The following SV2C variants were observed in gnomAD, a reference collection of about 807,000 sequenced individuals.
SV2C encodes the protein solute carrier family 22 member B3.
SV2C carries 49 observed loss-of-function variants against 79.7 expected under a neutral mutation model. The observed-to-expected ratio is 0.61, with a 90% CI of 0.49 to 0.78. SV2C has a LOEUF of 0.78. Among genes scored for constraint, SV2C ranks in the 30% least tolerant of loss-of-function variants. The probability of loss-of-function intolerance (pLI) is 0.00; values close to 1 mark genes in which losing one functional copy is unlikely to be tolerated. For synonymous variants in SV2C, 334 were observed against 333.2 expected, an observed-to-expected ratio of 1.00 and a Z score of -0.03; for missense variants, 833 against 912.9, an observed-to-expected ratio of 0.91 and a Z score of 1.13.
chr5:76,264,822 G>A (rs368407059), intron 4 of SV2C, among the ~76,000 whole-genome samples: 4 of 152,146 alleles, frequency 2.6e-5, no homozygotes, highest in South Asian at 2.1e-4. Context: ...CTTCCCCAAC[G>A]GGCACCAGCC....
chr5:76,342,925 T>C (rs1195024975), intron 12 of SV2C, among the ~76,000 whole-genome samples: 1 of 151,326 alleles, frequency 6.6e-6, no homozygotes, highest in Non-Finnish European at 1.5e-5. Flanking sequence ...GATCTTGCTA[T>C]GTTTCCCAGG....
chr5:75,904,867 ACT>A, the SV2C span, among the ~76,000 whole-genome samples: 17 of 152,232 alleles, frequency 1.1e-4, no homozygotes, highest in Non-Finnish European at 1.5e-5. Context: ...GAGAATTAAC[ACT>A]CTGTCAAATT....
chr5:76,014,821 C>T, the SV2C span, among the ~76,000 whole-genome samples: 228 of 152,262 alleles, frequency 1.5e-3, 6 homozygotes, highest in East Asian at 0.04. Context: ...TCAATGTCTA[C>T]GTTTACGACA....
chr5:76,163,236 G>A (rs757319125), intron 2 of SV2C, among the ~76,000 whole-genome samples: 5 of 151,470 alleles, frequency 3.3e-5, no homozygotes, highest in South Asian at 2.1e-4. Flanking sequence ...AATGAAAACC[G>A]AATTAGACCT....
At chr5:75,849,444 T>TA in the SV2C span, among the ~76,000 whole-genome samples, 2 of 152,166 alleles carry the variant, frequency 1.3e-5, no homozygotes, top group Non-Finnish European at 2.9e-5. Flanking sequence ...CCTTTATATT[T>TA]AAAAAAAGAC....
the SV2C span, among the ~76,000 whole-genome samples, chr5:76,075,001 C>G: frequency 6.6e-6 from 1 of 152,024 alleles, no homozygotes; most frequent in Non-Finnish European, 1.5e-5. Context: ...CAGCTGTGAG[C>G]AAAAGTCTCT....
At chr5:75,932,293 C>T in the SV2C span, among the ~76,000 whole-genome samples, 1 of 152,200 alleles carries the variant, frequency 6.6e-6, no homozygotes, top group Admixed American at 6.5e-5. Context: ...AGCTGCAGAG[C>T]TTCACATGGG....
At chr5:76,021,582 G>T in the SV2C span, among the ~76,000 whole-genome samples, 1 of 152,092 alleles carries the variant, frequency 6.6e-6, no homozygotes, top group African/African-American at 2.4e-5. Context: ...ATTAATATTG[G>T]GGAACTGAAC....
At chr5:76,285,760 C>A (rs758516694) in intron 5 of SV2C, 21 bp from the exon 6 acceptor site, 3 of 1,607,518 alleles carry the variant, frequency 1.9e-6, no homozygotes, top group South Asian at 1.1e-5. Flanking sequence ...TAGCGCTTCA[C>A]TGTCCACTCT....
At chr5:76,281,599 A>G (rs1180084705) in intron 4 of SV2C, among the ~76,000 whole-genome samples, 1 of 152,206 alleles carries the variant, frequency 6.6e-6, no homozygotes, top group Non-Finnish European at 1.5e-5. Flanking sequence ...CTAGAGATCA[A>G]AAGTTTAAAC....
the SV2C span, among the ~76,000 whole-genome samples, chr5:76,026,754 G>A: frequency 6.6e-6 from 1 of 152,146 alleles, no homozygotes; most frequent in African/African-American, 2.4e-5. Flanking sequence ...AAAATAAAGA[G>A]AACAAATAAA....
rs897093714 is a variant in SV2C, at chr5:76,333,111, C to G, written c.*7564C>G. 1.3e-5 allele frequency: 2 copies of G among 152,138 alleles called. No homozygotes were observed. Among genetic ancestry groups the G allele is most frequent in the African/African-American group, 4.8e-5 (2 of 41,428 alleles). The allele number at this position is 152,138 out of a possible 1,614,324, so 9.4% of individuals were successfully genotyped here. Reference sequence around the variant, plus strand: ...TTGCAAAGTGTCTCCCCTCTTGCGCCCACGTAGTCATCCAAGAAGGAAACT... The same window carrying G: ...TTGCAAAGTGTCTCCCCTCTTGCGCGCACGTAGTCATCCAAGAAGGAAACT... On this transcript the variant is annotated 3_prime_UTR_variant, in exon 13 of 13. Coordinates refer to ENST00000502798, the MANE Select transcript of SV2C (RefSeq NM_014979.4).
In SV2C at chr5:76,289,666, C is replaced by A. The variant is rs577103349; in HGVS notation, c.1138-1555C>A. On this transcript the variant is annotated intron_variant, in intron 6 of 12. Coordinates refer to ENST00000502798, the MANE Select transcript of SV2C (RefSeq NM_014979.4). ...GTCCTCCTTATTCACTGCCCTCTGG[C>A]CTTCTACTATCCTTCAGGAATCGCG... Among the ~76,000 whole-genome samples, 3 of 152,336 alleles carry A rather than the reference C, an allele frequency of 2.0e-5. No individual in the cohort carries two copies. The South Asian group carries it at 6.2e-4, about 32-fold the overall frequency.
chr5:76,264,547 G>C (rs186399526), intron 4 of SV2C, among the ~76,000 whole-genome samples: 62 of 152,220 alleles, frequency 4.1e-4, no homozygotes, highest in Admixed American at 4.1e-3. Flanking sequence ...TTTTTGTGCT[G>C]GTTTTTCCTT....
chr5:76,119,671 G>A (rs1748413834), intron 1 of SV2C, among the ~76,000 whole-genome samples: 1 of 151,574 alleles, frequency 6.6e-6, no homozygotes, highest in Non-Finnish European at 1.5e-5. Flanking sequence ...GACCCCATGG[G>A]GCTCTGGCAG....
the SV2C span, among the ~76,000 whole-genome samples, chr5:76,048,851 A>G: frequency 7.0e-6 from 1 of 143,178 alleles, no homozygotes; most frequent in African/African-American, 2.6e-5. Flanking sequence ...AGGTGAAAGA[A>G]AGGAAGGGGG....
intron 1 of SV2C, among the ~76,000 whole-genome samples, chr5:76,125,971 C>T (rs1259836699): frequency 1.3e-5 from 2 of 152,068 alleles, no homozygotes; most frequent in Admixed American, 1.3e-4. Context: ...GTGGGAGGGT[C>T]GCTTGAGCTT....
At chr5:76,032,850 T>C in the SV2C span, among the ~76,000 whole-genome samples, 3 of 152,360 alleles carry the variant, frequency 2.0e-5, no homozygotes, top group East Asian at 5.8e-4. Flanking sequence ...TGAATTAGTT[T>C]ACAGTCCCAC....
chr5:76,088,862 G>A (rs1747285096), intron 1 of SV2C, among the ~76,000 whole-genome samples: 2 of 152,132 alleles, frequency 1.3e-5, no homozygotes, highest in South Asian at 2.1e-4. Context: ...AATCCTAGAA[G>A]ACTGAGGACA....
Sources: gnomAD v4.1 joint callset for allele counts (sites outside exome capture counted in the v4.1 genomes callset) on GRCh38, gnomAD v4.1.1 for gene constraint, MANE v1.5 for transcripts, NCBI Gene and HGNC (gene_info 2026-07-23, HGNC 2026-07-21) for gene names.